KDM4C: variants seen among roughly 807,000 people sequenced by gnomAD.
The protein encoded by KDM4C is lysine demethylase 4C, also known as lysine-specific demethylase 4C.
A neutral mutation model predicts 129.3 loss-of-function variants in KDM4C; 81 were observed. The ratio of observed to expected loss-of-function variants is 0.63; its 90% CI spans 0.52 to 0.75. The LOEUF is 0.75. Among genes scored for constraint, KDM4C ranks in the 30% least tolerant of loss-of-function variants. KDM4C has a pLI of 0.00. For synonymous variants in KDM4C, 573 were observed against 456.1 expected (o/e 1.26, Z -3.26); for missense variants, 1,457 against 1,304.0 (o/e 1.12, Z -1.81).
At chr9:6,979,363 G>A (rs1816361024) in intron 8 of KDM4C, among the ~76,000 whole-genome samples, 1 of 152,190 alleles carries the variant, frequency 6.6e-6, no homozygotes, top group Admixed American at 6.5e-5. Flanking sequence ...AGCCGAGGAT[G>A]AAGTTTTGCT....
rs530730568 is a variant in KDM4C at position 6,870,483 on chromosome 9, T to TAA, written c.630-9527_630-9526dup. The stretch of plus-strand genomic sequence containing the variant: ...AGGAAGCTTTGGCTTCCTCATTAGT[T>TAA]AAATGGAGGTAGTAGTAGAACTTGT... On this transcript the variant is annotated intron_variant, in intron 5 of 21. Transcript: ENST00000381309. Among the ~76,000 whole-genome samples, 161 of 152,120 alleles carry TAA rather than the reference T, an allele frequency of 1.1e-3. 1 individual carries two copies. The highest frequency in any genetic ancestry group is 3.5e-3 in the African/African-American group (145 of 41,506).
intron 8 of KDM4C, among the ~76,000 whole-genome samples, chr9:6,969,153 C>G (rs994218585): frequency 6.6e-6 from 1 of 152,176 alleles, no homozygotes. Flanking sequence ...CCAGGCTGGT[C>G]TCGAACTCCT....
At chr9:7,080,553 A>C (rs1004397035) in intron 17 of KDM4C, among the ~76,000 whole-genome samples, 1 of 152,200 alleles carries the variant, frequency 6.6e-6, no homozygotes, top group African/African-American at 2.4e-5. Flanking sequence ...TTGCAAAAGG[A>C]ATTCAGACTT....
chr9:6,921,791 A>G (rs890549234), intron 8 of KDM4C, among the ~76,000 whole-genome samples: 1 of 149,672 alleles, frequency 6.7e-6, no homozygotes, highest in African/African-American at 2.5e-5. Context: ...CCCAACCCCT[A>G]CCCCCCATCT....
chr9:6,916,843 A>G (rs571093491), intron 8 of KDM4C, among the ~76,000 whole-genome samples: 61 of 152,338 alleles, frequency 4.0e-4, no homozygotes, highest in South Asian at 1.7e-3. Context: ...TATTTTGGCT[A>G]AGCAACTTTC....
chr9:7,100,754 T>C (rs1400936248), intron 17 of KDM4C, among the ~76,000 whole-genome samples: 3 of 152,024 alleles, frequency 2.0e-5, no homozygotes, highest in African/African-American at 7.3e-5. Context: ...TCTTCCTTTT[T>C]TTCTTTCTTT....
rs535302373 is a variant in KDM4C at position 6,917,692 on chromosome 9, C to T, written c.921+24460C>T. Among the ~76,000 whole-genome samples, 11 of 152,298 alleles carry T rather than the reference C, an allele frequency of 7.2e-5. No individual in the cohort carries two copies. In the South Asian group the frequency reaches 8.3e-4, roughly 11 times the overall value. On this transcript the variant is annotated intron_variant, in intron 8 of 21. Transcript: ENST00000381309. ...TCTCCCTCTCTCCTCCTGTCTCCATCCTCATTCTTTGCTGATTGTCTTGCT... is the reference window on the plus strand; with the variant it reads ...TCTCCCTCTCTCCTCCTGTCTCCATTCTCATTCTTTGCTGATTGTCTTGCT...
At chr9:6,829,986 T>C (rs1339945080) in intron 4 of KDM4C, among the ~76,000 whole-genome samples, 1 of 152,204 alleles carries the variant, frequency 6.6e-6, no homozygotes, top group African/African-American at 2.4e-5. Context: ...GTAATTCTTG[T>C]CAGAAAGGAA....
chr9:6,796,082 G>A (rs2130909603), intron 2 of KDM4C, among the ~76,000 whole-genome samples: 1 of 152,282 alleles, frequency 6.6e-6, no homozygotes, highest in East Asian at 1.9e-4. Flanking sequence ...AGAAACTAAA[G>A]CTTCGTAATG....
At chr9:6,973,986 T>A (rs1306774692) in intron 8 of KDM4C, 1 of 152,108 alleles carries the variant, frequency 6.6e-6, no homozygotes, top group African/African-American at 2.4e-5. Flanking sequence ...CAATTACTCA[T>A]TATGTTCCTG....
chr9:7,126,877 AG>A (rs1189839820), intron 18 of KDM4C, among the ~76,000 whole-genome samples: 6 of 152,176 alleles, frequency 3.9e-5, no homozygotes, highest in African/African-American at 1.4e-4. Flanking sequence ...AGAAAAAGAA[AG>A]AAAGAAAGAT....
At chr9:6,874,320 G>A (rs926114198) in intron 5 of KDM4C, among the ~76,000 whole-genome samples, 4 of 152,152 alleles carry the variant, frequency 2.6e-5, no homozygotes, top group East Asian at 1.9e-4. Flanking sequence ...ACAACAATTA[G>A]TAAACACTTG....
chr9:6,721,563 C>T (rs1164691727), intron 1 of KDM4C, among the ~76,000 whole-genome samples: 2 of 150,200 alleles, frequency 1.3e-5, no homozygotes, highest in African/African-American at 2.5e-5. Context: ...GGATTACAGG[C>T]ATGAGCCACC....
chr9:7,015,578 A>ATC (rs1823510403), intron 14 of KDM4C, among the ~76,000 whole-genome samples: 2 of 152,116 alleles, frequency 1.3e-5, no homozygotes, highest in South Asian at 4.2e-4. Flanking sequence ...ATGGATTGCA[A>ATC]CTTATTTTAA....
intron 17 of KDM4C, chr9:7,076,665 C>G: frequency 7.6e-7 from 1 of 1,309,246 alleles, no homozygotes. Flanking sequence ...CTGTCATTTT[C>G]CTCTGGATCC....
At chr9:7,087,651 G>A (rs1835289714) in intron 17 of KDM4C, among the ~76,000 whole-genome samples, 1 of 152,174 alleles carries the variant, frequency 6.6e-6, no homozygotes, top group Admixed American at 6.5e-5. Context: ...TAAAATTCTG[G>A]AGGGAAAGTG....
intron 1 of KDM4C, among the ~76,000 whole-genome samples, chr9:6,744,277 G>A (rs1320723069): frequency 2.0e-5 from 3 of 152,190 alleles, no homozygotes; most frequent in African/African-American, 4.8e-5. Flanking sequence ...TGTAATCCCA[G>A]CACTTTGGGA....
intron 15 of KDM4C, among the ~76,000 whole-genome samples, chr9:7,039,667 T>G (rs1025241428): frequency 2.0e-5 from 3 of 152,062 alleles, no homozygotes; most frequent in African/African-American, 7.2e-5. Flanking sequence ...TATGCTGTAT[T>G]TTTACAATAA....
At chr9:7,056,589 A>G (rs1830902777) in intron 17 of KDM4C, among the ~76,000 whole-genome samples, 1 of 152,208 alleles carries the variant, frequency 6.6e-6, no homozygotes, top group South Asian at 2.1e-4. Context: ...TCTTGTTACT[A>G]TGGATTTTTC....
Sources: allele counts gnomAD v4.1 joint callset (sites outside exome capture counted in the v4.1 genomes callset), GRCh38; gene constraint gnomAD v4.1.1; transcripts MANE v1.5; gene names NCBI Gene and HGNC (gene_info 2026-07-23, HGNC 2026-07-21).